AKAP10: variants seen among roughly 807,000 people sequenced by gnomAD.
AKAP10 encodes the protein A-kinase anchoring protein 10, also known as A-kinase anchor protein 10, mitochondrial.
AKAP10 carries 24 observed loss-of-function variants against 80.8 expected under a neutral mutation model. The observed-to-expected ratio is 0.30, with a 90% CI of 0.22 to 0.42. The LOEUF is 0.42. AKAP10 is among the 10% of genes least tolerant of loss of function. AKAP10 has a pLI of 1.00. For missense variants in AKAP10, 661 were observed against 794.9 expected (o/e 0.83, Z 2.03); for synonymous variants, 291 against 277.7 (o/e 1.05, Z -0.48).
intron 9 of AKAP10, among the ~76,000 whole-genome samples, chr17:19,934,318 G>T (rs144542667): frequency 6.6e-6 from 1 of 152,250 alleles, no homozygotes; most frequent in Non-Finnish European, 1.5e-5. Flanking sequence ...GATATATGTG[G>T]ATCATTTCTA....
chr17:19,957,338 G>A (rs1032512602), intron 4 of AKAP10, among the ~76,000 whole-genome samples: 15 of 151,728 alleles, frequency 9.9e-5, no homozygotes, highest in East Asian at 3.9e-4. Context: ...TCAGGAGATC[G>A]AGACCATCCT....
chr17:19,956,626 A>G (rs1290318206), intron 4 of AKAP10, among the ~76,000 whole-genome samples: 1 of 152,148 alleles, frequency 6.6e-6, no homozygotes, highest in Non-Finnish European at 1.5e-5. Context: ...TCCTGGGCTC[A>G]AGCAATCTTC....
At chr17:19,928,526 G>A (rs1226855428) in intron 10 of AKAP10, among the ~76,000 whole-genome samples, 2 of 152,172 alleles carry the variant, frequency 1.3e-5, no homozygotes, top group African/African-American at 2.4e-5. Flanking sequence ...TTTTCAATAA[G>A]TTTAAGAGTT....
intron 7 of AKAP10, 84 bp from the exon 8 acceptor site, chr17:19,939,933 A>T: frequency 6.9e-7 from 1 of 1,447,590 alleles, no homozygotes; most frequent in East Asian, 2.4e-5. Flanking sequence ...CAAATATTAA[A>T]ATACAGGTCA....
chr17:19,962,653 G>A (rs558350873), intron 3 of AKAP10, among the ~76,000 whole-genome samples, 187 bp downstream of exon 3: 85 of 151,822 alleles, frequency 5.6e-4, no homozygotes, highest in African/African-American at 1.5e-3. Flanking sequence ...TTTTCTACTG[G>A]GCATGCTTTA....
At chr17:19,943,861 T>TA (rs1440474828) in intron 5 of AKAP10, among the ~76,000 whole-genome samples, 1 of 152,128 alleles carries the variant, frequency 6.6e-6, no homozygotes, top group East Asian at 1.9e-4. Context: ...TGAACTGACT[T>TA]AGAGGACACC....
intron 12 of AKAP10, among the ~76,000 whole-genome samples, chr17:19,913,440 C>T (rs2042712889): frequency 6.6e-6 from 1 of 152,176 alleles, no homozygotes; most frequent in African/African-American, 2.4e-5. Flanking sequence ...GCGTGAGCCA[C>T]CACGCCCGGC....
chr17:19,959,177 A>T (rs1262188717), intron 3 of AKAP10, among the ~76,000 whole-genome samples: 1 of 152,188 alleles, frequency 6.6e-6, no homozygotes, highest in Non-Finnish European at 1.5e-5. Context: ...TCTTAAGAAA[A>T]AAAACTTATG....
intron 6 of AKAP10, 65 bp downstream of exon 6, chr17:19,941,761 G>T: frequency 8.0e-7 from 1 of 1,244,988 alleles, no homozygotes. Flanking sequence ...GCTGAGTGAA[G>T]CCCATTCCTA....
chr17:19,977,079 G>A (rs868088811), intron 1 of AKAP10, among the ~76,000 whole-genome samples: 60 of 152,264 alleles, frequency 3.9e-4, no homozygotes, highest in African/African-American at 1.4e-3. Flanking sequence ...TCTTCCTGTT[G>A]GGGAACTTTA....
At chr17:19,914,526 C>T (rs2042723574) in intron 12 of AKAP10, among the ~76,000 whole-genome samples, 2 of 148,982 alleles carry the variant, frequency 1.3e-5, no homozygotes, top group African/African-American at 2.5e-5. Context: ...CCTGCAGTTC[C>T]AGCTACTCGA....
At chr17:19,922,023 C>A (rs1399260683) in intron 11 of AKAP10, among the ~76,000 whole-genome samples, 1 of 152,008 alleles carries the variant, frequency 6.6e-6, no homozygotes, top group Non-Finnish European at 1.5e-5. Flanking sequence ...AAGTGCATAC[C>A]ATAAGAATGA....
In AKAP10 at chr17:19,936,382, T is replaced by C. The variant is rs765630169; in HGVS notation, c.1371A>G (p.Val457=). The C allele has an allele frequency of 9.3e-6, 15 of 1,613,584 alleles. No individual in the cohort carries two copies. The South Asian group carries it at 1.6e-4, about 18-fold the overall frequency. ...AGATATTGGATTCAATTTCTAATCGTACAACATCATCAAATCCAAGAGGAT... is the reference window on the plus strand; with the variant it reads ...AGATATTGGATTCAATTTCTAATCGCACAACATCATCAAATCCAAGAGGAT... ...ATHPLGFDDV[V]RLEIESNICR... Residue 457 remains valine, a synonymous_variant, in exon 9 of 15, where the codon GTA becomes GTG. Coordinates refer to ENST00000225737, the MANE Select transcript of AKAP10 (RefSeq NM_007202.4).
intron 2 of AKAP10, among the ~76,000 whole-genome samples, chr17:19,964,430 G>T (rs1256127319): frequency 6.6e-6 from 1 of 152,144 alleles, no homozygotes; most frequent in Non-Finnish European, 1.5e-5. Flanking sequence ...TCAACACCCA[G>T]TGTGTCAGAT....
intron 2 of AKAP10, among the ~76,000 whole-genome samples, chr17:19,967,526 T>C (rs1439410301): frequency 6.6e-6 from 1 of 152,208 alleles, no homozygotes; most frequent in Non-Finnish European, 1.5e-5. Context: ...AATGTGTGAT[T>C]AATAAGAAGG....
rs747164197 is a variant in AKAP10, at chr17:19,936,343, C to T, written c.1410G>A (p.Gly470=). 11 of 1,613,646 alleles carry T rather than the reference C, an allele frequency of 6.8e-6. No individual in the cohort carries two copies. In the East Asian group the frequency reaches 1.3e-4, roughly 20 times the overall value. The change falls in exon 9 of 15, where the codon GGG becomes GGA. Residue 470 remains glycine (G), a synonymous_variant. Transcript: ENST00000225737. The part of the protein sequence containing the change: ...EIESNICREG[G]PLPNCFTTPL... ...GAGTTGTGAAACAGTTGGGGAGTGG[C>T]CCACCTTCCCTGCAGATATTGGATT...
intron 5 of AKAP10, among the ~76,000 whole-genome samples, chr17:19,946,253 A>ATTT (rs1445226025): frequency 4.8e-5 from 1 of 20,822 alleles, no homozygotes; most frequent in African/African-American, 1.9e-4. Flanking sequence ...ATATATATAT[A>ATTT]TATATATATA....
intron 4 of AKAP10, among the ~76,000 whole-genome samples, chr17:19,954,848 G>A (rs541408913): frequency 5.9e-4 from 89 of 151,940 alleles, no homozygotes; most frequent in Admixed American, 9.8e-4. Context: ...CCTTTGCTTA[G>A]GCAAAGGGCT....
rs759870915 is a variant in AKAP10 at position 19,906,178 on chromosome 17, A to G, written c.*49T>C. On this transcript the variant is annotated 3_prime_UTR_variant, in exon 15 of 15. Coordinates refer to ENST00000225737, the MANE Select transcript of AKAP10 (RefSeq NM_007202.4). ...GTTGAAGAATCCAACCAAGGGAAAAAAGTTCTCTTATTTTTCACAAGCAGA... is the reference window on the plus strand; with the variant it reads ...GTTGAAGAATCCAACCAAGGGAAAAGAGTTCTCTTATTTTTCACAAGCAGA... 6.3e-7 allele frequency: 1 copy of G among 1,583,922 alleles called. No homozygotes were observed. The highest frequency in any genetic ancestry group is 1.7e-5 in the Admixed American group (1 of 58,936).
Sources: gnomAD v4.1 joint callset for allele counts (sites outside exome capture counted in the v4.1 genomes callset) on GRCh38, gnomAD v4.1.1 for gene constraint, MANE v1.5 for transcripts, NCBI Gene and HGNC (gene_info 2026-07-23, HGNC 2026-07-21) for gene names.